Variants in SAMD5 observed in about 807,000 individuals in gnomAD.
The protein encoded by SAMD5 is sterile alpha motif domain-containing protein 5.
A neutral mutation model predicts 11.3 loss-of-function variants in SAMD5; 13 were observed. The observed-to-expected ratio is 1.15, with a 90% CI of 0.75 to 1.83. The LOEUF (loss-of-function observed/expected upper bound fraction) is 1.83. SAMD5 is among the 40% of genes most tolerant of loss of function. The probability of loss-of-function intolerance (pLI) is 0.00; values close to 1 mark genes in which losing one functional copy is unlikely to be tolerated. For missense variants in SAMD5, 255 were observed against 239.1 expected, an observed-to-expected ratio of 1.07 and a Z score of -0.44; for synonymous variants, 129 against 111.3, an observed-to-expected ratio of 1.16 and a Z score of -1.00.
At chr6:147,903,776 C>T in the SAMD5 span, among the ~76,000 whole-genome samples, 59 of 152,036 alleles carry the variant, frequency 3.9e-4, no homozygotes, top group Non-Finnish European at 7.2e-4. Context: ...GGCTTGGTGG[C>T]GCATGCCTGT....
At chr6:147,883,242 T>C in the SAMD5 span, among the ~76,000 whole-genome samples, 1 of 152,216 alleles carries the variant, frequency 6.6e-6, no homozygotes, top group Non-Finnish European at 1.5e-5. Context: ...CAAGGGGCAT[T>C]TTGTTCTAAT....
In SAMD5 at chr6:147,729,453, G is replaced by A. The variant is rs535737162; in HGVS notation, c.163-7864G>A. 2.0e-5 allele frequency among the ~76,000 whole-genome samples: 3 copies of A among 152,324 alleles called. No homozygotes were observed. In the South Asian group the frequency reaches 6.2e-4, roughly 32 times the overall value. ...CACATTCATTGGCTGCCCACTGTAT[G>A]CCAGGAATTGTTACAGGTGCTGGAG... On this transcript the variant is annotated intron_variant, in intron 1 of 1. Transcript: ENST00000566741.
At chr6:147,585,151 C>A (rs1789356367) in intron 1 of SAMD5, among the ~76,000 whole-genome samples, 1 of 152,018 alleles carries the variant, frequency 6.6e-6, no homozygotes, top group South Asian at 2.1e-4. Context: ...AGATTGAGAC[C>A]CATTAATAGT....
chr6:147,633,073 A>C (rs1583115372), intron 1 of SAMD5, among the ~76,000 whole-genome samples: 1 of 152,220 alleles, frequency 6.6e-6, no homozygotes, highest in East Asian at 1.9e-4. Flanking sequence ...ACTGAATCAA[A>C]TGACAGAAAT....
chr6:147,953,813 A>C, the SAMD5 span: 1 of 152,246 alleles, frequency 6.6e-6, no homozygotes, highest in Non-Finnish European at 1.5e-5. Context: ...TTGGGCACCC[A>C]AGTTTAAGTG....
the SAMD5 span, among the ~76,000 whole-genome samples, chr6:147,915,799 T>C: frequency 6.6e-6 from 1 of 152,200 alleles, no homozygotes; most frequent in Non-Finnish European, 1.5e-5. Context: ...ATGTGCACAA[T>C]GTGCAGGTTT....
At chr6:147,644,499 C>T (rs913820425) in intron 1 of SAMD5, among the ~76,000 whole-genome samples, 5 of 152,036 alleles carry the variant, frequency 3.3e-5, no homozygotes, top group South Asian at 2.1e-4. Context: ...ATTTGTAAAG[C>T]TAATACTTTT....
the SAMD5 span, among the ~76,000 whole-genome samples, chr6:147,774,570 C>T: frequency 4.0e-5 from 6 of 151,876 alleles, no homozygotes; most frequent in Admixed American, 6.6e-5. Context: ...CTGTATTGGT[C>T]TTTTCTCCTT....
At chr6:147,749,404 G>A in the SAMD5 span, among the ~76,000 whole-genome samples, 16 of 152,070 alleles carry the variant, frequency 1.1e-4, no homozygotes, top group South Asian at 2.1e-4. Context: ...TCCTGACCTC[G>A]TGGTCCACCC....
At chr6:147,819,220 C>G in the SAMD5 span, among the ~76,000 whole-genome samples, 2 of 152,130 alleles carry the variant, frequency 1.3e-5, no homozygotes, top group African/African-American at 4.8e-5. Context: ...AGCAAACTAA[C>G]ACAGGAAAAG....
chr6:147,588,786 G>A (rs1024085260), intron 1 of SAMD5, among the ~76,000 whole-genome samples: 2 of 152,050 alleles, frequency 1.3e-5, no homozygotes, highest in East Asian at 1.9e-4. Flanking sequence ...CTTAACTTAC[G>A]GAAACTGGTA....
intron 1 of SAMD5, among the ~76,000 whole-genome samples, chr6:147,557,815 T>C (rs1219467298): frequency 6.6e-6 from 1 of 152,206 alleles, no homozygotes; most frequent in African/African-American, 2.4e-5. Context: ...TTTGATAAAG[T>C]GGGCTTTGCT....
At chr6:147,697,101 C>T (rs533088278) in intron 1 of SAMD5, among the ~76,000 whole-genome samples, 4 of 152,056 alleles carry the variant, frequency 2.6e-5, no homozygotes, top group East Asian at 1.9e-4. Context: ...TTTGGGAGGG[C>T]GCTAATCCCA....
chr6:147,597,772 G>C (rs1237080706), intron 1 of SAMD5, among the ~76,000 whole-genome samples: 1 of 152,204 alleles, frequency 6.6e-6, no homozygotes, highest in East Asian at 1.9e-4. Context: ...TGAGCCCCAG[G>C]TTCCCTGAAC....
intron 1 of SAMD5, among the ~76,000 whole-genome samples, chr6:147,675,820 G>A (rs936599305): frequency 3.3e-5 from 5 of 152,150 alleles, no homozygotes; most frequent in Non-Finnish European, 2.9e-5. Flanking sequence ...TTAATGCAGA[G>A]CTGCAGCAAA....
chr6:147,516,061 G>C (rs1217480533), intron 1 of SAMD5, among the ~76,000 whole-genome samples: 1 of 152,102 alleles, frequency 6.6e-6, no homozygotes, highest in African/African-American at 2.4e-5. Flanking sequence ...TGATTCTCAG[G>C]CTCATGCAAG....
chr6:147,527,141 T>C (rs1217934375), intron 1 of SAMD5, among the ~76,000 whole-genome samples: 2 of 152,332 alleles, frequency 1.3e-5, no homozygotes, highest in Non-Finnish European at 1.5e-5. Flanking sequence ...TTTTCATTGA[T>C]CAAAGGCACA....
At chr6:147,788,854 C>T in the SAMD5 span, among the ~76,000 whole-genome samples, 5 of 151,976 alleles carry the variant, frequency 3.3e-5, no homozygotes, top group Admixed American at 1.3e-4. Context: ...GAGGCCAAGG[C>T]GGGAGGATCA....
chr6:147,682,893 A>G (rs1245105503), intron 1 of SAMD5, among the ~76,000 whole-genome samples: 3 of 152,182 alleles, frequency 2.0e-5, no homozygotes, highest in Non-Finnish European at 2.9e-5. Context: ...CTTACTTTAC[A>G]TACTTCTGTT....
Sources: allele counts gnomAD v4.1 joint callset (sites outside exome capture counted in the v4.1 genomes callset), GRCh38; gene constraint gnomAD v4.1.1; transcripts MANE v1.5; gene names NCBI Gene and HGNC (gene_info 2026-07-23, HGNC 2026-07-21).